Variants in SATB2 observed in about 807,000 individuals in gnomAD.
SATB2 encodes the protein SATB homeobox 2.
SATB2 carries 1 observed loss-of-function variant against 73.4 expected under a neutral mutation model. The ratio of observed to expected loss-of-function variants is 0.01; its 90% CI spans 0.00 to 0.06. The LOEUF is 0.06. Ranked by LOEUF, SATB2 falls within the 10% of genes least tolerant of loss-of-function variation. The pLI, the probability that SATB2 is intolerant of heterozygous loss-of-function variation, is 1.00. For missense variants in SATB2, 459 were observed against 945.8 expected (o/e 0.49, Z 6.75); for synonymous variants, 397 against 367.0 (o/e 1.08, Z -0.93).
intron 2 of SATB2, among the ~76,000 whole-genome samples, chr2:199,446,415 C>T (rs1001693105): frequency 6.6e-6 from 1 of 152,014 alleles, no homozygotes; most frequent in East Asian, 1.9e-4. Flanking sequence ...TAAAGAAACC[C>T]TTTTAAAACC....
At chr2:199,333,597 CA>C (rs1688253386) in intron 7 of SATB2, among the ~76,000 whole-genome samples, 1 of 151,896 alleles carries the variant, frequency 6.6e-6, no homozygotes, top group South Asian at 2.1e-4. Flanking sequence ...AAATAAAGTG[CA>C]AAAACTGATA....
At chr2:199,434,770 T>G (rs995025526) in intron 2 of SATB2, among the ~76,000 whole-genome samples, 4 of 152,162 alleles carry the variant, frequency 2.6e-5, no homozygotes, top group Non-Finnish European at 5.9e-5. Flanking sequence ...CAGAACCCCC[T>G]CCCTGTGGCC....
At chr2:199,303,808 G>C (rs1270459048) in intron 10 of SATB2, among the ~76,000 whole-genome samples, 1 of 152,100 alleles carries the variant, frequency 6.6e-6, no homozygotes, top group African/African-American at 2.4e-5. Context: ...GGACAATGCT[G>C]GTGTCTGACT....
At chr2:199,286,956 A>C (rs1359728567) in intron 10 of SATB2, among the ~76,000 whole-genome samples, 4 of 152,232 alleles carry the variant, frequency 2.6e-5, no homozygotes, top group African/African-American at 9.6e-5. Context: ...CCAGGTAACT[A>C]AATGAGGAAG....
intron 3 of SATB2, among the ~76,000 whole-genome samples, chr2:199,400,428 T>G (rs558680767): frequency 6.6e-6 from 1 of 152,212 alleles, no homozygotes; most frequent in African/African-American, 2.4e-5. Context: ...GAGGGCCAAC[T>G]ATGAGCCAGG....
At chr2:199,327,070 C>T (rs562346935) in intron 8 of SATB2, among the ~76,000 whole-genome samples, 7 of 152,276 alleles carry the variant, frequency 4.6e-5, no homozygotes, top group Admixed American at 1.3e-4. Flanking sequence ...TATCAGAAAA[C>T]GCAAAACCAA....
chr2:199,396,653 T>G (rs1402009723), intron 3 of SATB2: 1 of 152,142 alleles, frequency 6.6e-6, no homozygotes, highest in Admixed American at 6.5e-5. Context: ...AGGTACACAC[T>G]GAGAAACTGC....
At chr2:199,363,086 C>T (rs1488215064) in intron 6 of SATB2, among the ~76,000 whole-genome samples, 1 of 152,146 alleles carries the variant, frequency 6.6e-6, no homozygotes, top group African/African-American at 2.4e-5. Context: ...CTGGAATGAG[C>T]TTCTTAAGAT....
intron 7 of SATB2, among the ~76,000 whole-genome samples, chr2:199,339,539 A>C (rs1688443131): frequency 6.6e-6 from 1 of 152,120 alleles, no homozygotes; most frequent in Non-Finnish European, 1.5e-5. Context: ...CTCATCTTTC[A>C]GTGTGTGGAC....
chr2:199,299,261 G>C (rs888156785), intron 10 of SATB2, among the ~76,000 whole-genome samples: 50 of 152,264 alleles, frequency 3.3e-4, no homozygotes, highest in African/African-American at 1.2e-3. Flanking sequence ...AATGCCACTT[G>C]ATCATTAATC....
chr2:199,380,344 C>G lies in SATB2; in HGVS notation c.597+20G>C, dbSNP rs748206507. 6.2e-7 allele frequency: 1 copy of G among 1,613,858 alleles called. No homozygotes were observed. Among genetic ancestry groups the G allele is most frequent in the Non-Finnish European group, 8.5e-7 (1 of 1,179,784 alleles). Reference sequence around the variant, plus strand: ...CAATGGCTTCTTCTGTTTCCCAGACCCCCACCTGAAGATACTGACCTGGGA... The same window carrying G: ...CAATGGCTTCTTCTGTTTCCCAGACGCCCACCTGAAGATACTGACCTGGGA... On this transcript the variant is annotated intron_variant, in intron 5 of 10. Coordinates refer to ENST00000417098, the MANE Select transcript of SATB2 (RefSeq NM_001172509.2).
At chr2:199,309,042 G>A (rs867425698) in intron 9 of SATB2, 85 bp from the exon 10 acceptor site, 68 of 1,094,266 alleles carry the variant, frequency 6.2e-5, no homozygotes, top group Middle Eastern at 5.8e-4. Context: ...TGCCATCACA[G>A]TACATCTTTT....
intron 3 of SATB2, among the ~76,000 whole-genome samples, chr2:199,425,590 A>G (rs540194524): frequency 6.6e-6 from 1 of 152,290 alleles, no homozygotes; most frequent in East Asian, 1.9e-4. Flanking sequence ...TACCTAGTCA[A>G]CTGCTAGGTA....
At chr2:199,408,228 T>C (rs1038589828) in intron 3 of SATB2, among the ~76,000 whole-genome samples, 2 of 152,178 alleles carry the variant, frequency 1.3e-5, no homozygotes, top group Non-Finnish European at 2.9e-5. Flanking sequence ...AAGGTTAATA[T>C]AGTTGATAAT....
At position 199,295,610 on chromosome 2, in the gene SATB2, A is replaced by G. The variant is rs546111145; in HGVS notation, c.1740+13150T>C. 6.6e-5 allele frequency among the ~76,000 whole-genome samples: 10 copies of G among 152,282 alleles called. No homozygotes were observed. In the South Asian group the frequency reaches 2.1e-3, roughly 32 times the overall value. ...GACTCTACTATAGAGAAGCAAGACC[A>G]TGTTCCTCCTCTGACAAGCCACATA... On this transcript the variant is annotated intron_variant, in intron 10 of 10. Transcript: ENST00000417098.
intron 9 of SATB2, among the ~76,000 whole-genome samples, chr2:199,321,321 A>G (rs549620576): frequency 1.3e-5 from 2 of 151,926 alleles, no homozygotes; most frequent in Non-Finnish European, 2.9e-5. Context: ...ACGTCTATGT[A>G]TAGACATATA....
chr2:199,372,879 G>T lies in SATB2; in HGVS notation c.598-4172C>A, dbSNP rs563548716. Among the ~76,000 whole-genome samples the T allele has an allele frequency of 2.0e-5, 3 of 152,196 alleles. No individual in the cohort carries two copies. The South Asian group carries it at 6.2e-4, about 32-fold the overall frequency. ...CTAAAGGGAATTTAAAACTTAATAG[G>T]AAAAAGCAAAATAATAAACACAGGT... On this transcript the variant is annotated intron_variant, in intron 5 of 10. Transcript: ENST00000417098.
In SATB2 at chr2:199,272,168, A is replaced by G. The variant is rs527928674; in HGVS notation, c.*43T>C. The G allele has an allele frequency of 2.5e-6, 4 of 1,571,194 alleles. No individual in the cohort carries two copies. The East Asian group carries it at 6.7e-5, about 26-fold the overall frequency. On this transcript the variant is annotated 3_prime_UTR_variant, in exon 11 of 11. Transcript: ENST00000417098. The surrounding 1 kb of genome is among the most constrained non-coding windows in gnomAD (Gnocchi z 6.7). ...AACTTTTAAAGAAATGAAAGCAGAAAATCCTTGGACCGATGTATTGCTTTG... is the reference window on the plus strand; with the variant it reads ...AACTTTTAAAGAAATGAAAGCAGAAGATCCTTGGACCGATGTATTGCTTTG...
chr2:199,470,008 G>A (rs939745569), upstream of SATB2: 7 of 152,462 alleles, frequency 4.6e-5, no homozygotes, highest in East Asian at 1.9e-4. Flanking sequence ...AGAGAAGAAA[G>A]CAGACAGGAA....
Sources: allele counts gnomAD v4.1 joint callset (sites outside exome capture counted in the v4.1 genomes callset), GRCh38; gene constraint gnomAD v4.1.1; non-coding constraint Gnocchi (gnomAD v3.1); transcripts MANE v1.5; gene names NCBI Gene and HGNC (gene_info 2026-07-23, HGNC 2026-07-21).